The following YWHAE variants were observed in gnomAD, a reference collection of about 807,000 sequenced individuals.
YWHAE encodes tyrosine 3-monooxygenase/tryptophan 5-monooxygenase activation protein epsilon.
YWHAE carries 4 observed loss-of-function variants against 30.1 expected under a neutral mutation model. That is an observed-to-expected ratio of 0.13 (90% confidence interval 0.07 to 0.30). The LOEUF (loss-of-function observed/expected upper bound fraction) is 0.30. Among genes scored for constraint, YWHAE ranks in the 10% least tolerant of loss-of-function variants. The pLI, the probability that YWHAE is intolerant of heterozygous loss-of-function variation, is 1.00. For synonymous variants in YWHAE, 118 were observed against 111.8 expected (o/e 1.06, Z -0.35); for missense variants, 121 against 315.9 (o/e 0.38, Z 4.68).
At chr17:1,350,185 CAG>C (rs2072602325) in intron 5 of YWHAE, among the ~76,000 whole-genome samples, 1 of 151,408 alleles carries the variant, frequency 6.6e-6, no homozygotes, top group African/African-American at 2.4e-5. Context: ...CTCCTGACCT[CAG>C]GTGATCCACC....
intron 1 of YWHAE, among the ~76,000 whole-genome samples, chr17:1,373,843 T>C (rs1220740827): frequency 2.0e-5 from 3 of 151,938 alleles, no homozygotes; most frequent in Admixed American, 1.3e-4. Context: ...TCAAACAGGG[T>C]GTACCTACGA....
chr17:1,359,959 GGAGAGAGA>G (rs1311826142), intron 4 of YWHAE, among the ~76,000 whole-genome samples: 1 of 109,012 alleles, frequency 9.2e-6, no homozygotes, highest in Non-Finnish European at 1.9e-5. Flanking sequence ...GGAGAGAGGG[GGAGAGAGA>G]GAGAGAGAGA....
chr17:1,366,941 CA>C (rs1047736343), intron 1 of YWHAE, among the ~76,000 whole-genome samples: 3 of 147,932 alleles, frequency 2.0e-5, no homozygotes, highest in Admixed American at 6.7e-5. Context: ...GACTCCGTTT[CA>C]AAAAAAAACA....
intron 1 of YWHAE, among the ~76,000 whole-genome samples, chr17:1,393,029 C>A (rs1212193815): frequency 1.3e-5 from 2 of 151,814 alleles, no homozygotes; most frequent in Non-Finnish European, 2.9e-5. Flanking sequence ...CATGGTGAAA[C>A]CCCATCTCTA....
chr17:1,355,928 G>A (rs2150843630), intron 4 of YWHAE, among the ~76,000 whole-genome samples: 1 of 152,210 alleles, frequency 6.6e-6, no homozygotes, highest in East Asian at 1.9e-4. Flanking sequence ...CAGCACTTTG[G>A]GAGGCAGAAG....
chr17:1,349,158 C>T (rs886962661), intron 5 of YWHAE, among the ~76,000 whole-genome samples: 24 of 152,036 alleles, frequency 1.6e-4, no homozygotes, highest in South Asian at 6.2e-4. Flanking sequence ...CGGGCTAACA[C>T]GGGGAAACCC....
At chr17:1,368,199 C>A (rs1189181424) in intron 1 of YWHAE, among the ~76,000 whole-genome samples, 1 of 152,068 alleles carries the variant, frequency 6.6e-6, no homozygotes, top group Non-Finnish European at 1.5e-5. Flanking sequence ...CCAGCCTGAC[C>A]AGCATGGAGA....
chr17:1,366,217 A>T (rs112353811), intron 1 of YWHAE, among the ~76,000 whole-genome samples: 14 of 151,476 alleles, frequency 9.2e-5, no homozygotes, highest in African/African-American at 3.4e-4. Context: ...CCTCAAAAAA[A>T]AAAAAATAGA....
chr17:1,362,435 C>T lies in YWHAE; in HGVS notation c.265-427G>A, dbSNP rs746108747. 5.3e-5 allele frequency among the ~76,000 whole-genome samples: 8 copies of T among 152,254 alleles called. No individual in the cohort carries two copies. In the South Asian group the frequency reaches 1.7e-3, roughly 32 times the overall value. On this transcript the variant is annotated intron_variant, in intron 2 of 5. Coordinates refer to ENST00000264335, the MANE Select transcript of YWHAE (RefSeq NM_006761.5). The stretch of plus-strand genomic sequence containing the variant: ...TTAAATAAGAATTTAATAAGCAGAG[C>T]TAGGATTTGAACCCAGGCAGGCTGC...
chr17:1,370,119 CTTTTTTTTTTTTT>C (rs538497835), intron 1 of YWHAE, among the ~76,000 whole-genome samples: 1 of 76,318 alleles, frequency 1.3e-5, no homozygotes, highest in East Asian at 5.0e-4. Context: ...CACAGAAAAA[CTTTTTTTTTTTTT>C]TTTTTTTTTT....
intron 5 of YWHAE, among the ~76,000 whole-genome samples, chr17:1,346,328 A>G (rs2072515336): frequency 6.6e-6 from 1 of 152,254 alleles, no homozygotes; most frequent in African/African-American, 2.4e-5. Flanking sequence ...GGTAAAAGTT[A>G]CATTCACTTG....
In YWHAE at chr17:1,355,133, A is replaced by T. The variant is rs1328949854; in HGVS notation, c.579-786T>A. ...AGATTTTTTAAAAAAAAAAAAAAAA[A>T]AAAAAAAAAAAAAAATTTTTTTTTT... On this transcript the variant is annotated intron_variant, in intron 4 of 5. Coordinates refer to ENST00000264335, the MANE Select transcript of YWHAE (RefSeq NM_006761.5). Among the ~76,000 whole-genome samples the T allele has an allele frequency of 5.6e-5, 6 of 107,994 alleles. No homozygotes were observed. The East Asian group carries it at 1.3e-3, about 24-fold the overall frequency. The allele number at this position is 107,994 out of a possible 152,430, so 70.8% of individuals were successfully genotyped here. A position where few individuals can be genotyped will look rare whatever the true frequency, so the allele number is the denominator to read the frequency against.
rs2072855384 is a variant in YWHAE at position 1,360,999 on chromosome 17, T to A, written c.578+93A>T. On this transcript the variant is annotated intron_variant, in intron 4 of 5. Coordinates refer to ENST00000264335, the MANE Select transcript of YWHAE (RefSeq NM_006761.5). Reference sequence around the variant, plus strand: ...AAAAGAATTACTATGCAGCCAAGTCTACAAAGACAGGCCCAAGAAACAACA... The same window carrying A: ...AAAAGAATTACTATGCAGCCAAGTCAACAAAGACAGGCCCAAGAAACAACA... 3 of 1,211,742 alleles carry A rather than the reference T, an allele frequency of 2.5e-6. No individual in the cohort carries two copies. In the South Asian group the frequency reaches 3.9e-5, roughly 16 times the overall value. 75.1% of individuals were successfully genotyped at this position (1,211,742 alleles called of 1,614,324 possible).
In YWHAE at chr17:1,346,705, C is replaced by T. The variant is rs573422048; in HGVS notation, c.716-1206G>A. Among the ~76,000 whole-genome samples the T allele has an allele frequency of 3.3e-5, 5 of 152,198 alleles. No individual in the cohort carries two copies. The South Asian group carries it at 6.2e-4, about 19-fold the overall frequency. On this transcript the variant is annotated intron_variant, in intron 5 of 5. Coordinates refer to ENST00000264335, the MANE Select transcript of YWHAE (RefSeq NM_006761.5). Reference sequence around the variant, plus strand: ...CTGTCTCTACAAAAAATGAACATAACGCCGGGCACGGTGGCTCACGCCTGT... The same window carrying T: ...CTGTCTCTACAAAAAATGAACATAATGCCGGGCACGGTGGCTCACGCCTGT...
chr17:1,355,069 T>C (rs1399804645), intron 4 of YWHAE, among the ~76,000 whole-genome samples: 19 of 106,758 alleles, frequency 1.8e-4, no homozygotes, highest in African/African-American at 6.5e-4. Context: ...CCTTAGCCTC[T>C]TGAGTGGCTG....
intron 1 of YWHAE, among the ~76,000 whole-genome samples, chr17:1,368,176 C>A (rs1041128505): frequency 1.3e-5 from 2 of 151,968 alleles, no homozygotes; most frequent in Non-Finnish European, 2.9e-5. Flanking sequence ...CACCTGAGGT[C>A]GGGAGATCGA....
At chr17:1,399,377 A>C (rs1177226089) in intron 1 of YWHAE, 1 of 152,358 alleles carries the variant, frequency 6.6e-6, no homozygotes, top group Non-Finnish European at 1.5e-5. Flanking sequence ...AAGAAACCCG[A>C]TCGCAGCATG....
chr17:1,382,432 C>T (rs1354297123), intron 1 of YWHAE, among the ~76,000 whole-genome samples: 1 of 150,450 alleles, frequency 6.6e-6, no homozygotes, highest in East Asian at 2.0e-4. Context: ...CAAGCTCTAC[C>T]GGCAAGCTCC....
chr17:1,346,797 T>C (rs955672651), intron 5 of YWHAE, among the ~76,000 whole-genome samples: 10 of 151,618 alleles, frequency 6.6e-5, no homozygotes, highest in Admixed American at 3.3e-4. Flanking sequence ...CCATCCTGGC[T>C]AACACAGTAA....
Sources: gnomAD v4.1 joint callset for allele counts (sites outside exome capture counted in the v4.1 genomes callset) on GRCh38, gnomAD v4.1.1 for gene constraint, MANE v1.5 for transcripts, NCBI Gene and HGNC (gene_info 2026-07-23, HGNC 2026-07-21) for gene names.